Variants in NDEL1 observed in about 807,000 individuals in gnomAD.
The protein encoded by NDEL1 is nuclear distribution protein nudE-like 1.
NDEL1 carries 9 observed loss-of-function variants against 45.7 expected under a neutral mutation model. The observed-to-expected ratio is 0.20, with a 90% CI of 0.12 to 0.34. The LOEUF (loss-of-function observed/expected upper bound fraction) is 0.34. Among genes scored for constraint, NDEL1 ranks in the 10% least tolerant of loss-of-function variants. The probability of loss-of-function intolerance (pLI) is 1.00; values close to 1 mark genes in which losing one functional copy is unlikely to be tolerated. For synonymous variants in NDEL1, 133 were observed against 158.6 expected (o/e 0.84, Z 1.21); for missense variants, 306 against 406.2 (o/e 0.75, Z 2.12).
At chr17:8,451,008 G>C (rs1047148612) in intron 6 of NDEL1, 55 bp downstream of exon 6, 3 of 1,509,944 alleles carry the variant, frequency 2.0e-6, no homozygotes, top group African/African-American at 2.8e-5. Context: ...GCTTACGGGG[G>C]TTTGTTGCTG....
chr17:8,430,608 T>C (rs969017881), intron 1 of NDEL1, among the ~76,000 whole-genome samples: 29 of 152,284 alleles, frequency 1.9e-4, no homozygotes, highest in Admixed American at 1.8e-3. Context: ...GGGATCCTCA[T>C]GCATGCTCTC....
chr17:8,459,857 A>G, intron 7 of NDEL1, 152 bp from the exon 8 acceptor site: 1 of 740,716 alleles, frequency 1.4e-6, no homozygotes, highest in Non-Finnish European at 2.2e-6. Flanking sequence ...CCCCCTTTTT[A>G]TTAGAAAGTT....
chr17:8,421,571 A>G (rs1282193219), intron 1 of NDEL1, among the ~76,000 whole-genome samples: 3 of 152,124 alleles, frequency 2.0e-5, no homozygotes, highest in African/African-American at 4.8e-5. Flanking sequence ...GCTGCCCGAC[A>G]CCTTGATTTT....
chr17:8,470,024 T>G (rs1911798520), downstream of NDEL1, among the ~76,000 whole-genome samples: 1 of 152,032 alleles, frequency 6.6e-6, no homozygotes, highest in African/African-American at 2.4e-5. The surrounding 1 kb of genome is among the most constrained non-coding windows in gnomAD (Gnocchi z 4.2). Flanking sequence ...ACGTTTTTTT[T>G]GTGGCTCTAG....
At chr17:8,443,320 A>G (rs1339910937) in intron 1 of NDEL1, among the ~76,000 whole-genome samples, 4 of 152,344 alleles carry the variant, frequency 2.6e-5, no homozygotes, top group Admixed American at 2.6e-4. Context: ...AGAATGCAAG[A>G]GATTTTAATG....
chr17:8,423,455 G>A (rs1373523159), intron 1 of NDEL1, among the ~76,000 whole-genome samples: 2 of 152,132 alleles, frequency 1.3e-5, no homozygotes, highest in Non-Finnish European at 2.9e-5. Flanking sequence ...AGGCTGAGAC[G>A]GGCAGATTGC....
At chr17:8,428,348 G>A (rs376492501) in intron 1 of NDEL1, among the ~76,000 whole-genome samples, 1,988 of 97,848 alleles carry the variant, frequency 0.02, 99 homozygotes, top group South Asian at 0.062. Context: ...GTGTGTGTGT[G>A]TGTGTGTGTG....
rs773420927 is a variant in NDEL1 at position 8,435,889 on chromosome 17, C to T, written c.-169C>T. ...ATGGCCTCGGACACCCAGGCAGTCC[C>T]TGACGTGTCGGGGAGGAGCCGGGCG... is the stretch of plus-strand genomic sequence containing the variant. On this transcript the variant is annotated 5_prime_UTR_variant, in exon 1 of 9. Coordinates refer to ENST00000334527, the MANE Select transcript of NDEL1 (RefSeq NM_030808.5). 5 of 447,686 alleles carry T rather than the reference C, an allele frequency of 1.1e-5. No individual in the cohort carries two copies. The highest frequency in any genetic ancestry group is 4.7e-5 in the South Asian group (3 of 64,246). 27.7% of individuals were successfully genotyped at this position (447,686 alleles called of 1,614,324 possible).
At position 8,456,722 on chromosome 17, in the gene NDEL1, C is replaced by T. The variant is rs151131091; in HGVS notation, c.792+1835C>T. On this transcript the variant is annotated intron_variant, in intron 7 of 8. Transcript: ENST00000334527. ...CCATGTTGGCCATGCTGGTCTTGAA[C>T]GCCTGACTTCAGGTGATCTGCCTGC... 6.1e-3 allele frequency among the ~76,000 whole-genome samples: 935 copies of T among 152,274 alleles called. 8 individuals are homozygous for T. The highest frequency in any genetic ancestry group is 0.021 in the African/African-American group (874 of 41,538).
chr17:8,454,952 G>A, intron 7 of NDEL1, 65 bp downstream of exon 7: 3 of 1,361,648 alleles, frequency 2.2e-6, no homozygotes, highest in Non-Finnish European at 3.1e-6. Flanking sequence ...TTCTTAATTT[G>A]AAGTGAGGGA....
At position 8,430,691 on chromosome 17, in the gene NDEL1, C is replaced by A. The variant is rs115142531; in HGVS notation, c.-12-13569C>A. ...TACTGGGACCCATGCCTCGGCAAAC[C>A]CCTTCCTAATGATTTATAAAGGCAG... is the stretch of plus-strand genomic sequence containing the variant. On this transcript the variant is annotated intron_variant, in intron 1 of 4. Coordinates refer to the NDEL1 transcript ENST00000582812. Among the ~76,000 whole-genome samples, 1,369 of 152,336 alleles carry A rather than the reference C, an allele frequency of 9.0e-3. 19 individuals carry two copies. Among genetic ancestry groups the A allele is most frequent in the African/African-American group, 0.031 (1,300 of 41,566 alleles).
upstream of NDEL1, among the ~76,000 whole-genome samples, chr17:8,433,615 T>C (rs1177612120): frequency 6.6e-6 from 1 of 152,232 alleles, no homozygotes; most frequent in Admixed American, 6.5e-5. Context: ...TCTTTCTTGG[T>C]GCTTCAAGCT....
chr17:8,427,472 A>T (rs1391768384), intron 1 of NDEL1, among the ~76,000 whole-genome samples: 1 of 152,144 alleles, frequency 6.6e-6, no homozygotes, highest in Non-Finnish European at 1.5e-5. Context: ...AGGCCGAGGC[A>T]GGCAGATCAT....
downstream of NDEL1, among the ~76,000 whole-genome samples, chr17:8,472,368 T>C (rs997180335): frequency 1.3e-5 from 2 of 152,076 alleles, no homozygotes; most frequent in African/African-American, 4.8e-5. Flanking sequence ...TAGAAATAGG[T>C]GTTAGCTGGG....
intron 6 of NDEL1, among the ~76,000 whole-genome samples, chr17:8,452,735 C>T (rs1332243473): frequency 1.9e-3 from 111 of 59,612 alleles, no homozygotes; most frequent in South Asian, 5.5e-3. Flanking sequence ...TTTTCTTTTT[C>T]TTCTCTTTTT....
intron 1 of NDEL1, among the ~76,000 whole-genome samples, chr17:8,428,380 TC>T (rs71159590): frequency 6.8e-6 from 1 of 147,822 alleles, no homozygotes; most frequent in East Asian, 2.0e-4. Flanking sequence ...TTTTTTTTTT[TC>T]CGAGACAGAG....
chr17:8,467,274 G>A lies in NDEL1; in HGVS notation c.*251G>A, dbSNP rs772469707. On this transcript the variant is annotated 3_prime_UTR_variant, in exon 9 of 9. Coordinates refer to ENST00000334527, the MANE Select transcript of NDEL1 (RefSeq NM_030808.5). The surrounding 1 kb of genome is among the most constrained non-coding windows in gnomAD (Gnocchi z 6.3). ...TCACATGATTGCACTTTTGTGGGTC[G>A]CAAGGTGATACATACGTGTATTACT... The A allele has an allele frequency of 8.6e-6, 5 of 584,254 alleles. No individual in the cohort carries two copies. Among genetic ancestry groups the A allele is most frequent in the Non-Finnish European group, 1.5e-5 (5 of 328,760 alleles). 36.2% of individuals were successfully genotyped at this position (584,254 alleles called of 1,614,324 possible). A position where few individuals can be genotyped will look rare whatever the true frequency, so the allele number is the denominator to read the frequency against.
chr17:8,429,823 A>G (rs7214527), intron 1 of NDEL1, among the ~76,000 whole-genome samples: 86,510 of 151,886 alleles, frequency 0.57, 24,627 homozygotes, highest in Middle Eastern at 0.64. Flanking sequence ...GCATACAGTG[A>G]GATTTTAGAA....
intron 8 of NDEL1, chr17:8,466,474 TG>T (rs1300218129): frequency 6.4e-6 from 1 of 155,990 alleles, no homozygotes; most frequent in Admixed American, 6.4e-5. Context: ...TTCATATCAT[TG>T]AATCTACAGA....
Sources: allele counts gnomAD v4.1 joint callset (sites outside exome capture counted in the v4.1 genomes callset), GRCh38; gene constraint gnomAD v4.1.1; non-coding constraint Gnocchi (gnomAD v3.1); transcripts MANE v1.5; gene names NCBI Gene and HGNC (gene_info 2026-07-23, HGNC 2026-07-21).